Variants in CTNNA2 observed in about 807,000 individuals in gnomAD.
CTNNA2 encodes the protein catenin alpha 2, also known as catenin alpha-2.
Under a neutral mutation model 101.0 loss-of-function variants are expected in CTNNA2, and 42 were observed. The ratio of observed to expected loss-of-function variants is 0.42; its 90% CI spans 0.32 to 0.54. CTNNA2 has a LOEUF of 0.54. Among genes scored for constraint, CTNNA2 ranks in the 20% least tolerant of loss-of-function variants. The probability of loss-of-function intolerance (pLI) is 0.14; values close to 1 mark genes in which losing one functional copy is unlikely to be tolerated. For synonymous variants in CTNNA2, 450 were observed against 456.4 expected (o/e 0.99, Z 0.18); for missense variants, 871 against 1,223.1 (o/e 0.71, Z 4.29).
At chr2:79,298,990 A>G (rs1676045291) in intron 2 of CTNNA2, among the ~76,000 whole-genome samples, 1 of 152,220 alleles carries the variant, frequency 6.6e-6, no homozygotes, top group South Asian at 2.1e-4. Flanking sequence ...TTAGCTCTTC[A>G]TTTGAAGAGC....
At chr2:80,147,069 G>A (rs1191117101) in intron 7 of CTNNA2, among the ~76,000 whole-genome samples, 4 of 151,650 alleles carry the variant, frequency 2.6e-5, no homozygotes, top group South Asian at 4.2e-4. Context: ...GGGTTCAAGC[G>A]ATTCTCCTGT....
intron 3 of CTNNA2, among the ~76,000 whole-genome samples, chr2:79,784,713 G>T (rs181775049): frequency 4.8e-4 from 73 of 151,174 alleles, no homozygotes; most frequent in African/African-American, 1.7e-3. Flanking sequence ...TTTATATGTA[G>T]AATGTAATAT....
Position 80,423,439 on chromosome 2 carries a change from T to A in CTNNA2, c.1290+3838T>A, listed in dbSNP as rs190219515. On this transcript the variant is annotated intron_variant, in intron 9 of 18. Transcript: ENST00000402739. The stretch of plus-strand genomic sequence containing the variant: ...TTATATATTGAGTTCAATTTTTTTT[T>A]AAATTTCTAGTTGATTCTTTTTTAA... Among the ~76,000 whole-genome samples, 153 of 152,306 alleles carry A rather than the reference T, an allele frequency of 1.0e-3. 1 individual carries two copies. The East Asian group carries it at 0.014, about 14-fold the overall frequency.
chr2:80,570,546 A>G (rs1018421641), intron 12 of CTNNA2, among the ~76,000 whole-genome samples: 1 of 152,200 alleles, frequency 6.6e-6, no homozygotes, highest in African/African-American at 2.4e-5. Context: ...TGGTAAGGAA[A>G]AAAATAGATG....
rs368617397 is a variant in CTNNA2, at chr2:80,609,011, G to A, written c.2430+693G>A. ...ATTTCTTGGCAAGATTTCCAAATATGTGTTGAGGTTCTTCACCTTGGCTTC... is the reference window on the plus strand; with the variant it reads ...ATTTCTTGGCAAGATTTCCAAATATATGTTGAGGTTCTTCACCTTGGCTTC... On this transcript the variant is annotated intron_variant, in intron 17 of 18. Transcript: ENST00000402739. Among the ~76,000 whole-genome samples, 14 of 151,888 alleles carry A rather than the reference G, an allele frequency of 9.2e-5. No individual in the cohort carries two copies. In the East Asian group the frequency reaches 2.7e-3, roughly 30 times the overall value.
At chr2:79,563,615 T>C (rs1256124642) in intron 1 of CTNNA2, among the ~76,000 whole-genome samples, 1 of 152,164 alleles carries the variant, frequency 6.6e-6, no homozygotes, top group African/African-American at 2.4e-5. Flanking sequence ...ATGTGGAACA[T>C]AGACATATAA....
intron 4 of CTNNA2, among the ~76,000 whole-genome samples, chr2:79,416,370 C>G (rs1373509514): frequency 1.3e-5 from 2 of 150,260 alleles, no homozygotes; most frequent in Non-Finnish European, 2.9e-5. Context: ...AATTCTAAGC[C>G]TATTTCAAAG....
At chr2:79,508,093 G>C (rs1049753398), upstream of CTNNA2, among the ~76,000 whole-genome samples, 3 of 152,142 alleles carry the variant, frequency 2.0e-5, no homozygotes, top group African/African-American at 7.2e-5. Context: ...ATATGAACCA[G>C]AGTGTGCTAT....
chr2:80,014,777 G>A (rs1025981840), intron 7 of CTNNA2, among the ~76,000 whole-genome samples: 6 of 152,156 alleles, frequency 3.9e-5, no homozygotes, highest in Admixed American at 3.3e-4. Flanking sequence ...ACATCAGAAT[G>A]TGCTTTTCTG....
At chr2:80,114,394 A>C (rs144202389) in intron 7 of CTNNA2, among the ~76,000 whole-genome samples, 12 of 152,288 alleles carry the variant, frequency 7.9e-5, no homozygotes, top group African/African-American at 2.4e-4. Flanking sequence ...ACAGGTATCA[A>C]ATACATAGGT....
At chr2:79,957,184 A>G (rs1049076457) in intron 7 of CTNNA2, among the ~76,000 whole-genome samples, 3 of 152,136 alleles carry the variant, frequency 2.0e-5, no homozygotes, top group Admixed American at 1.3e-4. Flanking sequence ...TGAGACCCTG[A>G]GAAAATTTTC....
intron 7 of CTNNA2, among the ~76,000 whole-genome samples, chr2:79,959,416 G>T (rs1689474375): frequency 6.6e-6 from 1 of 152,126 alleles, no homozygotes; most frequent in African/African-American, 2.4e-5. Flanking sequence ...CCATTCTGTA[G>T]CCTGATAATC....
intron 2 of CTNNA2, among the ~76,000 whole-genome samples, chr2:79,693,100 A>G (rs1231660168): frequency 2.0e-5 from 3 of 152,064 alleles, no homozygotes; most frequent in African/African-American, 4.8e-5. Context: ...AAAGATGCAG[A>G]AAATTTAGAC....
chr2:80,027,510 T>G (rs1024596711), intron 7 of CTNNA2, among the ~76,000 whole-genome samples: 3 of 152,194 alleles, frequency 2.0e-5, no homozygotes, highest in Admixed American at 6.5e-5. Context: ...TGGACTATGT[T>G]GGGACAAAAG....
chr2:80,461,608 C>T (rs1440783778), intron 9 of CTNNA2, among the ~76,000 whole-genome samples: 3 of 152,014 alleles, frequency 2.0e-5, no homozygotes. Context: ...TCTCTACATT[C>T]AGTGGTGCAA....
At chr2:79,325,189 G>A (rs1573079162) in intron 3 of CTNNA2, among the ~76,000 whole-genome samples, 1 of 152,118 alleles carries the variant, frequency 6.6e-6, no homozygotes, top group African/African-American at 2.4e-5. Flanking sequence ...ATGAGAAATA[G>A]GAATAGGTAT....
chr2:79,837,757 TA>T (rs1229947941), intron 3 of CTNNA2, among the ~76,000 whole-genome samples: 1 of 151,940 alleles, frequency 6.6e-6, no homozygotes, highest in Middle Eastern at 3.4e-3. Context: ...TGTTTTTTTT[TA>T]AAAAAAATCA....
At chr2:79,711,409 A>G (rs574770723) in intron 2 of CTNNA2, among the ~76,000 whole-genome samples, 2 of 152,244 alleles carry the variant, frequency 1.3e-5, no homozygotes, top group African/African-American at 4.8e-5. Flanking sequence ...TTGAACTTGA[A>G]CTGGCCTGAT....
intron 4 of CTNNA2, among the ~76,000 whole-genome samples, chr2:79,421,026 T>G (rs1678534892): frequency 6.6e-6 from 1 of 152,120 alleles, no homozygotes; most frequent in Non-Finnish European, 1.5e-5. Context: ...AAAAAGGAAA[T>G]GAGACACAAT....
Sources: gnomAD v4.1 joint callset for allele counts (sites outside exome capture counted in the v4.1 genomes callset) on GRCh38, gnomAD v4.1.1 for gene constraint, MANE v1.5 for transcripts, NCBI Gene and HGNC (gene_info 2026-07-23, HGNC 2026-07-21) for gene names.